The following DNAAF4 variants were observed in gnomAD, a reference collection of about 807,000 sequenced individuals.
DNAAF4 encodes the protein dynein axonemal assembly factor 4.
In DNAAF4, 43 loss-of-function variants were observed where a neutral mutation model predicts 51.8. The observed-to-expected ratio is 0.83, with a 90% CI of 0.65 to 1.07. The LOEUF (loss-of-function observed/expected upper bound fraction) is 1.07, where lower values mean the gene tolerates loss of function less well. DNAAF4 is among the 50% of genes least tolerant of loss of function. The probability of loss-of-function intolerance (pLI) is 0.00; values close to 1 mark genes in which losing one functional copy is unlikely to be tolerated. For missense variants in DNAAF4, 581 were observed against 493.0 expected, an observed-to-expected ratio of 1.18 and a Z score of -1.69; for synonymous variants, 194 against 165.6, an observed-to-expected ratio of 1.17 and a Z score of -1.32.
intron 4 of DNAAF4, among the ~76,000 whole-genome samples, chr15:55,470,072 G>C (rs1342254827): frequency 3.4e-5 from 5 of 148,868 alleles, no homozygotes; most frequent in African/African-American, 1.2e-4. Flanking sequence ...TTTTTTCTGA[G>C]ACGGAGTCTC....
At chr15:55,446,298 G>GT (rs535553086) in intron 6 of DNAAF4, among the ~76,000 whole-genome samples, 1 of 94,270 alleles carries the variant, frequency 1.1e-5, no homozygotes, top group South Asian at 4.1e-4. Context: ...ATCCCAGACG[G>GT]GGGGGGGGGG....
At chr15:55,480,547 A>T (rs1312435342) in intron 4 of DNAAF4, among the ~76,000 whole-genome samples, 1 of 151,856 alleles carries the variant, frequency 6.6e-6, no homozygotes, top group African/African-American at 2.4e-5. Flanking sequence ...TGCACTGCAC[A>T]CTTGTTTACT....
At chr15:55,478,654 T>C (rs988302809) in intron 4 of DNAAF4, among the ~76,000 whole-genome samples, 13 of 152,184 alleles carry the variant, frequency 8.5e-5, no homozygotes, top group African/African-American at 3.1e-4. Flanking sequence ...TCTCCAACTA[T>C]AAGAGAAGAA....
At chr15:55,481,129 C>T (rs1842745211) in intron 4 of DNAAF4, among the ~76,000 whole-genome samples, 1 of 152,152 alleles carries the variant, frequency 6.6e-6, no homozygotes, top group Non-Finnish European at 1.5e-5. Context: ...TCAATGAAAA[C>T]TCTTTCCTTT....
chr15:55,446,147 C>T (rs1157148674), intron 6 of DNAAF4, among the ~76,000 whole-genome samples: 7 of 93,932 alleles, frequency 7.5e-5, no homozygotes, highest in Admixed American at 2.4e-4. Flanking sequence ...TTCCCAGATG[C>T]GGCAGCCGGG....
intron 5 of DNAAF4, among the ~76,000 whole-genome samples, chr15:55,464,093 C>T (rs1263286720): frequency 1.3e-5 from 2 of 152,174 alleles, no homozygotes; most frequent in African/African-American, 4.8e-5. Context: ...CAGTATAGTA[C>T]TGGTATAAAA....
At chr15:55,438,351 C>CAA (rs35978344) in intron 7 of DNAAF4, among the ~76,000 whole-genome samples, 2 of 137,830 alleles carry the variant, frequency 1.5e-5, no homozygotes, top group African/African-American at 2.8e-5. Context: ...GACTTTGTCT[C>CAA]AAAAAAAAAA....
At position 55,442,775 on chromosome 15, in the gene DNAAF4, CA is replaced by C. The variant is rs1158731849; in HGVS notation, c.784-3195del. 3.1e-6 allele frequency: 5 copies of C among 1,604,696 alleles called. No homozygotes were observed. In the Admixed American group the frequency reaches 8.3e-5, roughly 27 times the overall value. On this transcript the variant is annotated intron_variant, in intron 6 of 9. Coordinates refer to ENST00000321149, the MANE Select transcript of DNAAF4 (RefSeq NM_130810.4). ...TTATCAAGTTGGCTATTTATCCTAA[CA>C]ACAGAACAAAGAGGGATAGGTCTTT...
intron 5 of DNAAF4, among the ~76,000 whole-genome samples, chr15:55,453,747 T>A (rs936620032): frequency 2.6e-5 from 4 of 151,808 alleles, no homozygotes; most frequent in African/African-American, 9.7e-5. Context: ...AGACGGGGTT[T>A]CACCGGGTTA....
chr15:55,492,721 G>C (rs2058591893), intron 3 of DNAAF4, among the ~76,000 whole-genome samples: 1 of 151,912 alleles, frequency 6.6e-6, no homozygotes, highest in Non-Finnish European at 1.5e-5. Context: ...TATATTTTTA[G>C]TACAGACGGG....
chr15:55,501,666 C>A (rs1330610592), intron 1 of DNAAF4, among the ~76,000 whole-genome samples: 1 of 151,992 alleles, frequency 6.6e-6, no homozygotes, highest in Non-Finnish European at 1.5e-5. Flanking sequence ...TAAGCCACCA[C>A]GCCGGGCCAG....
chr15:55,460,953 C>T (rs1179775201), intron 5 of DNAAF4, among the ~76,000 whole-genome samples: 7 of 151,924 alleles, frequency 4.6e-5, no homozygotes, highest in African/African-American at 1.5e-4. Context: ...TTAGTAAAGA[C>T]AAGGTTTCAC....
chr15:55,465,929 C>T (rs1010846198), intron 5 of DNAAF4, among the ~76,000 whole-genome samples: 11 of 151,910 alleles, frequency 7.2e-5, no homozygotes, highest in African/African-American at 2.7e-4. Flanking sequence ...ATGATATGGG[C>T]CTGGGGACTA....
chr15:55,470,560 T>TA (rs1003546916), intron 4 of DNAAF4, among the ~76,000 whole-genome samples: 2 of 149,348 alleles, frequency 1.3e-5, no homozygotes, highest in African/African-American at 5.0e-5. Flanking sequence ...TTTTTTTTTT[T>TA]AGACAGGGTC....
downstream of DNAAF4, among the ~76,000 whole-genome samples, chr15:55,427,512 G>A (rs992439003): frequency 2.6e-5 from 4 of 152,306 alleles, no homozygotes; most frequent in East Asian, 3.9e-4. Context: ...AAGATTAGAT[G>A]AGTCAGTTTA....
rs1595939950 is a variant in DNAAF4, at chr15:55,480,967, ATGAG to A, written c.405+10152_405+10155del. On this transcript the variant is annotated intron_variant, in intron 4 of 9. Coordinates refer to ENST00000321149, the MANE Select transcript of DNAAF4 (RefSeq NM_130810.4). ...TTTCCCCCATGATGTTCTCATGATA[ATGAG>A]TGAGTCTCACAAGATCTAATGGTTT... 2.0e-5 allele frequency among the ~76,000 whole-genome samples: 3 copies of A among 152,216 alleles called. No individual in the cohort carries two copies. In the South Asian group the frequency reaches 6.2e-4, roughly 32 times the overall value.
chr15:55,476,925 C>A (rs1415842016), intron 4 of DNAAF4, among the ~76,000 whole-genome samples: 1 of 152,174 alleles, frequency 6.6e-6, no homozygotes, highest in Non-Finnish European at 1.5e-5. Flanking sequence ...AATCCCCGAA[C>A]TTTGGGAGGC....
At chr15:55,445,540 G>C (rs569240920) in intron 6 of DNAAF4, among the ~76,000 whole-genome samples, 2 of 152,022 alleles carry the variant, frequency 1.3e-5, no homozygotes, top group South Asian at 4.2e-4. Flanking sequence ...GCCCGTTCTC[G>C]ATGGTCGCTG....
intron 7 of DNAAF4, among the ~76,000 whole-genome samples, chr15:55,421,927 A>G (rs948411339): frequency 1.4e-5 from 2 of 147,398 alleles, no homozygotes; most frequent in African/African-American, 4.9e-5. Flanking sequence ...AATAATAATA[A>G]TAATAATAAT....
Sources: allele counts gnomAD v4.1 joint callset (sites outside exome capture counted in the v4.1 genomes callset), GRCh38; gene constraint gnomAD v4.1.1; transcripts MANE v1.5; gene names NCBI Gene and HGNC (gene_info 2026-07-23, HGNC 2026-07-21).